The following PPFIBP1 variants were observed in gnomAD, a reference collection of about 807,000 sequenced individuals.
PPFIBP1 encodes liprin-beta-1.
PPFIBP1 carries 112 observed loss-of-function variants against 137.8 expected under a neutral mutation model. The ratio of observed to expected loss-of-function variants is 0.81; its 90% CI spans 0.70 to 0.95. The LOEUF (loss-of-function observed/expected upper bound fraction) is 0.95, where lower values mean the gene tolerates loss of function less well. Among genes scored for constraint, PPFIBP1 ranks in the 40% least tolerant of loss-of-function variants. The probability of loss-of-function intolerance (pLI) is 0.00; values close to 1 mark genes in which losing one functional copy is unlikely to be tolerated. For synonymous variants in PPFIBP1, 378 were observed against 417.3 expected (o/e 0.91, Z 1.15); for missense variants, 1,083 against 1,196.6 (o/e 0.91, Z 1.40).
At chr12:27,567,292 C>T (rs58378082) in intron 1 of PPFIBP1, among the ~76,000 whole-genome samples, 25,380 of 152,190 alleles carry the variant, frequency 0.17, 2,619 homozygotes, top group Middle Eastern at 0.28. Flanking sequence ...GATCTATCAA[C>T]CAACCACAGT....
intron 27 of PPFIBP1, among the ~76,000 whole-genome samples, chr12:27,690,750 C>T (rs2061485635): frequency 1.3e-5 from 2 of 152,232 alleles, no homozygotes; most frequent in South Asian, 4.1e-4. Context: ...AGAGGTTTCT[C>T]TTGTACAGAT....
At chr12:27,563,277 TAAAAAAAAAA>T (rs869044515) in intron 1 of PPFIBP1, among the ~76,000 whole-genome samples, 44 of 22,174 alleles carry the variant, frequency 2.0e-3, no homozygotes, top group Admixed American at 8.6e-3. Context: ...CCATCTCTAC[TAAAAAAAAAA>T]AAAAAAAAAA....
chr12:27,687,265 C>A, intron 24 of PPFIBP1, 120 bp from the exon 25 acceptor site: 1 of 1,230,786 alleles, frequency 8.1e-7, no homozygotes, highest in Non-Finnish European at 1.1e-6. Context: ...CTGACAAGAC[C>A]TTGGGGCATA....
chr12:27,547,420 G>T (rs1408042670), intron 1 of PPFIBP1: 1 of 152,214 alleles, frequency 6.6e-6, no homozygotes, highest in Non-Finnish European at 1.5e-5. Context: ...TTCAAAGACG[G>T]TTATCAGCCT....
chr12:27,654,449 A>G (rs923412027), intron 7 of PPFIBP1: 7 of 264,134 alleles, frequency 2.7e-5, no homozygotes, highest in Non-Finnish European at 4.9e-5. Context: ...AATAGATATT[A>G]CACTACCTTT....
intron 2 of PPFIBP1, among the ~76,000 whole-genome samples, chr12:27,594,843 A>G (rs780737390): frequency 6.6e-6 from 1 of 152,238 alleles, no homozygotes; most frequent in Non-Finnish European, 1.5e-5. Flanking sequence ...TTTATATAAT[A>G]TATCCACATA....
intron 1 of PPFIBP1, among the ~76,000 whole-genome samples, chr12:27,570,204 T>C (rs2050022268): frequency 6.6e-6 from 1 of 152,206 alleles, no homozygotes; most frequent in Non-Finnish European, 1.5e-5. Flanking sequence ...TCAATTTTTT[T>C]CTTAAAATAT....
intron 3 of PPFIBP1, among the ~76,000 whole-genome samples, 187 bp from the exon 4 acceptor site, chr12:27,634,723 C>T (rs971215884): frequency 1.3e-4 from 20 of 152,216 alleles, no homozygotes; most frequent in Non-Finnish European, 2.9e-5. Flanking sequence ...ATATTTACCA[C>T]TAACTACATG....
intron 2 of PPFIBP1, among the ~76,000 whole-genome samples, chr12:27,627,886 A>C (rs1173833042): frequency 1.4e-5 from 2 of 140,558 alleles, no homozygotes; most frequent in African/African-American, 5.4e-5. Context: ...CTTATCTAAA[A>C]CTTTCCTACA....
At chr12:27,635,648 T>C (rs1222889527) in intron 4 of PPFIBP1, 1 of 159,098 alleles carries the variant, frequency 6.3e-6, no homozygotes, top group Non-Finnish European at 1.4e-5. Flanking sequence ...AGTGTTCCAT[T>C]ATTGGAACGC....
intron 2 of PPFIBP1, among the ~76,000 whole-genome samples, chr12:27,590,009 C>T (rs879046802): frequency 6.6e-6 from 1 of 152,142 alleles, no homozygotes; most frequent in Non-Finnish European, 1.5e-5. Context: ...CACTCCTGTT[C>T]TTGACCCTAC....
At chr12:27,678,856 C>CAAAA (rs60834907) in intron 19 of PPFIBP1, among the ~76,000 whole-genome samples, 41 of 98,936 alleles carry the variant, frequency 4.1e-4, no homozygotes, top group South Asian at 8.2e-4. Context: ...GACTCTGTCT[C>CAAAA]AAAAAAAAAA....
intron 1 of PPFIBP1, chr12:27,538,099 C>G (rs568433868): frequency 6.6e-6 from 1 of 152,470 alleles, no homozygotes; most frequent in East Asian, 1.9e-4. Flanking sequence ...GCTTGCCTTT[C>G]CCTGCTCTTC....
chr12:27,656,662 A>C lies in PPFIBP1; in HGVS notation c.743A>C (p.Glu248Ala), dbSNP rs369414467. 6.2e-7 allele frequency: 1 copy of C among 1,612,904 alleles called. No individual in the cohort carries two copies. The highest frequency in any genetic ancestry group is 1.3e-5 in the African/African-American group (1 of 74,902). The part of the protein sequence containing the change: ...LKEQLEEKES[E>A]VKRLQEKLVC... ...GAACAACTAGAAGAAAAGGAATCTG[A>C]AGTAAAAAGGCTACAAGAAAAATTG... Residue 248 changes from glutamate to alanine, a missense_variant, in exon 9 of 30, where the codon GAA (glutamate) becomes GCA (alanine). Glu to Ala is a moderately radical substitution (Grantham distance 107). Transcript: ENST00000228425.
In PPFIBP1 at chr12:27,680,044, C is replaced by T. The variant is rs372089803; in HGVS notation, c.1878C>T (p.Asp626=). The change falls in exon 21 of 30, where the codon GAC becomes GAT. Residue 626 remains aspartate, a synonymous_variant. Coordinates refer to ENST00000228425, the MANE Select transcript of PPFIBP1 (RefSeq NM_003622.4). ...TAGPRLGWSR[D]LGQSNSDLDM... ...GGCCCCGATTAGGTTGGTCTCGAGA[C>T]TTGGGACAGTCTAACAGGTAAGAAG... The T allele has an allele frequency of 3.1e-6, 5 of 1,614,068 alleles. No individual in the cohort carries two copies. In the East Asian group the frequency reaches 6.7e-5, roughly 22 times the overall value.
chr12:27,561,063 C>T (rs1260250505), intron 1 of PPFIBP1, among the ~76,000 whole-genome samples: 1 of 152,068 alleles, frequency 6.6e-6, no homozygotes, highest in African/African-American at 2.4e-5. Context: ...AAGAAGCTTG[C>T]CAACTGGTTA....
intron 2 of PPFIBP1, among the ~76,000 whole-genome samples, chr12:27,613,356 A>G (rs1379698748): frequency 1.3e-5 from 2 of 152,168 alleles, no homozygotes; most frequent in African/African-American, 4.8e-5. Context: ...TGACAGAAGT[A>G]CTCTCTCCAG....
intron 4 of PPFIBP1, among the ~76,000 whole-genome samples, chr12:27,645,328 CTT>C (rs1418659811): frequency 2.6e-5 from 4 of 152,154 alleles, no homozygotes; most frequent in African/African-American, 7.2e-5. Flanking sequence ...CTTTGTGTGT[CTT>C]TTTCATGACT....
intron 12 of PPFIBP1, among the ~76,000 whole-genome samples, chr12:27,665,849 A>G (rs1231512614): frequency 6.6e-6 from 1 of 152,210 alleles, no homozygotes; most frequent in African/African-American, 2.4e-5. Context: ...TTTTATAAAT[A>G]TCTGAGTGAG....
Sources: allele counts gnomAD v4.1 joint callset (sites outside exome capture counted in the v4.1 genomes callset), GRCh38; gene constraint gnomAD v4.1.1; transcripts MANE v1.5; gene names NCBI Gene and HGNC (gene_info 2026-07-23, HGNC 2026-07-21).